Variants in PCDH15 observed in about 807,000 individuals in gnomAD.
PCDH15 encodes protocadherin-15.
PCDH15 carries 129 observed loss-of-function variants against 178.5 expected under a neutral mutation model. The observed-to-expected ratio is 0.72, with a 90% CI of 0.63 to 0.84. The LOEUF is 0.84. Ranked by LOEUF, PCDH15 falls within the 40% of genes least tolerant of loss-of-function variation. PCDH15 has a pLI of 0.00. For synonymous variants in PCDH15, 800 were observed against 732.0 expected, an observed-to-expected ratio of 1.09 and a Z score of -1.50; for missense variants, 2,230 against 2,099.9, an observed-to-expected ratio of 1.06 and a Z score of -1.21.
chr10:53,926,245 A>C (rs2084542388), intron 25 of PCDH15, among the ~76,000 whole-genome samples: 1 of 152,208 alleles, frequency 6.6e-6, no homozygotes, highest in Non-Finnish European at 1.5e-5. Flanking sequence ...TACTGAGCTA[A>C]CTTTCTCATG....
chr10:54,770,912 G>C (rs964990438), intron 1 of PCDH15, among the ~76,000 whole-genome samples: 1 of 152,006 alleles, frequency 6.6e-6, no homozygotes, highest in Non-Finnish European at 1.5e-5. Context: ...AGATTTTAAT[G>C]ATAATTTTTA....
intron 3 of PCDH15, among the ~76,000 whole-genome samples, chr10:54,457,160 G>T (rs190875788): frequency 6.6e-6 from 1 of 152,208 alleles, no homozygotes; most frequent in African/African-American, 2.4e-5. Context: ...GAATTCAGCA[G>T]CTAATTCAAA....
chr10:55,594,949 G>A (rs4131570), intron 2 of PCDH15, among the ~76,000 whole-genome samples: 103,964 of 151,798 alleles, frequency 0.68, 35,919 homozygotes, highest in African/African-American at 0.78. Flanking sequence ...TCAGATTGCA[G>A]CATTGATTTC....
intron 2 of PCDH15, among the ~76,000 whole-genome samples, chr10:55,432,975 G>A (rs1838924680): frequency 6.6e-6 from 1 of 151,754 alleles, no homozygotes; most frequent in Non-Finnish European, 1.5e-5. Flanking sequence ...AGTGAGCCAA[G>A]ATCGCGCCAC....
chr10:54,107,834 G>A (rs1338815546), intron 15 of PCDH15, among the ~76,000 whole-genome samples: 1 of 152,148 alleles, frequency 6.6e-6, no homozygotes, highest in East Asian at 1.9e-4. Flanking sequence ...CTGGCATGGG[G>A]TCATCAAACC....
At chr10:54,573,781 G>T (rs1043453362) in intron 2 of PCDH15, among the ~76,000 whole-genome samples, 9 of 152,104 alleles carry the variant, frequency 5.9e-5, no homozygotes, top group African/African-American at 1.4e-4. Context: ...TAGATTAAAG[G>T]AGGAAAACAG....
chr10:55,560,948 T>A (rs1164816029), intron 2 of PCDH15, among the ~76,000 whole-genome samples: 2 of 151,832 alleles, frequency 1.3e-5, no homozygotes, highest in Admixed American at 1.3e-4. Flanking sequence ...AATTTCACAA[T>A]TTTATTTTAA....
intron 3 of PCDH15, among the ~76,000 whole-genome samples, chr10:54,433,365 T>C (rs759805690): frequency 2.0e-5 from 3 of 152,128 alleles, no homozygotes; most frequent in Non-Finnish European, 4.4e-5. Context: ...TTATATACAA[T>C]GGAGTACTAT....
chr10:54,754,850 C>T (rs78587668), intron 1 of PCDH15, among the ~76,000 whole-genome samples: 7,339 of 151,682 alleles, frequency 0.048, 595 homozygotes, highest in African/African-American at 0.17. Context: ...GTGTTCTTTC[C>T]AGATTCAAGC....
intron 2 of PCDH15, among the ~76,000 whole-genome samples, chr10:55,339,431 T>C (rs924870807): frequency 6.6e-6 from 1 of 152,104 alleles, no homozygotes; most frequent in Admixed American, 6.6e-5. Context: ...ATAAACAAGA[T>C]GTAAGGGTTC....
At chr10:54,411,749 C>A (rs1453583516) in intron 3 of PCDH15, among the ~76,000 whole-genome samples, 1 of 152,020 alleles carries the variant, frequency 6.6e-6, no homozygotes, top group African/African-American at 2.4e-5. Flanking sequence ...GGGGCTATGT[C>A]TCCAGTAAAC....
chr10:54,147,646 A>G (rs1490724364), intron 14 of PCDH15, among the ~76,000 whole-genome samples: 1 of 151,968 alleles, frequency 6.6e-6, no homozygotes, highest in Admixed American at 6.6e-5. Flanking sequence ...ATATGTATAT[A>G]TAATACCAAC....
rs118093477 is a variant in PCDH15 at position 54,624,165 on chromosome 10, G to A, written c.91+40007C>T. Among the ~76,000 whole-genome samples the A allele has an allele frequency of 3.9e-3, 593 of 152,168 alleles. 14 individuals carry two copies. The East Asian group carries it at 0.045, about 11-fold the overall frequency. On this transcript the variant is annotated intron_variant, in intron 2 of 37. Transcript: ENST00000644397. The stretch of plus-strand genomic sequence containing the variant: ...TTTCTCCATCGAAGTACTTATACAC[G>A]TGTTTGGCTACTTAAAATAGGGTAA...
chr10:54,473,962 A>G lies in PCDH15; in HGVS notation c.157+53850T>C, dbSNP rs12261279. ...AAGCCACTTTAATCAAATAATTAGA[A>G]ACAATAATTTGCAAGCTTGCAAAAG... On this transcript the variant is annotated intron_variant, in intron 3 of 37. Transcript: ENST00000644397. 6.0e-3 allele frequency among the ~76,000 whole-genome samples: 916 copies of G among 151,936 alleles called. 15 individuals are homozygous for G. The highest frequency in any genetic ancestry group is 0.021 in the African/African-American group (886 of 41,562).
chr10:54,664,698 A>C (rs1404091663), intron 1 of PCDH15, among the ~76,000 whole-genome samples: 1 of 151,980 alleles, frequency 6.6e-6, no homozygotes, highest in African/African-American at 2.4e-5. Context: ...ATCCTACATG[A>C]GCATTTCAAT....
At chr10:53,861,941 C>T (rs2079132261) in intron 27 of PCDH15, among the ~76,000 whole-genome samples, 2 of 152,012 alleles carry the variant, frequency 1.3e-5, no homozygotes, top group South Asian at 2.1e-4. Context: ...TTTAATAGTC[C>T]ATTTAGATAA....
chr10:54,779,512 G>A (rs1347236109), intron 1 of PCDH15, among the ~76,000 whole-genome samples: 1 of 138,916 alleles, frequency 7.2e-6, no homozygotes, highest in African/African-American at 2.6e-5. Context: ...ACATATATGT[G>A]TGTATATATA....
intron 2 of PCDH15, among the ~76,000 whole-genome samples, chr10:55,133,127 C>T (rs1038577522): frequency 1.3e-5 from 2 of 152,090 alleles, no homozygotes; most frequent in African/African-American, 2.4e-5. Context: ...GAAAAAGGAA[C>T]TGAAGCTATT....
At chr10:54,892,128 C>A (rs1206848224) in intron 3 of PCDH15, among the ~76,000 whole-genome samples, 2 of 152,030 alleles carry the variant, frequency 1.3e-5, no homozygotes, top group South Asian at 2.1e-4. Flanking sequence ...GAAACATTGG[C>A]AACACCAAAA....
Sources: allele counts gnomAD v4.1 joint callset (sites outside exome capture counted in the v4.1 genomes callset), GRCh38; gene constraint gnomAD v4.1.1; transcripts MANE v1.5; gene names NCBI Gene and HGNC (gene_info 2026-07-23, HGNC 2026-07-21).